The following LEPROT variants were observed in gnomAD, a reference collection of about 807,000 sequenced individuals.
The protein encoded by LEPROT is leptin receptor overlapping transcript, also known as leptin receptor gene-related protein.
LEPROT carries 3 observed loss-of-function variants against 15.4 expected under a neutral mutation model. The ratio of observed to expected loss-of-function variants is 0.19; its 90% CI spans 0.09 to 0.50. The LOEUF is 0.50. Ranked by LOEUF, LEPROT falls within the 20% of genes least tolerant of loss-of-function variation. The pLI is 0.97. For synonymous variants in LEPROT, 59 were observed against 57.5 expected, an observed-to-expected ratio of 1.03 and a Z score of -0.12; for missense variants, 137 against 162.2, an observed-to-expected ratio of 0.84 and a Z score of 0.84.
chr1:65,435,219 T>A lies in LEPROT; in HGVS notation c.*3300T>A. The A allele has an allele frequency of 1.0e-6, 1 of 985,456 alleles. No individual in the cohort carries two copies. Among genetic ancestry groups the A allele is most frequent in the Non-Finnish European group, 1.2e-6 (1 of 829,938 alleles). The allele number at this position is 985,456 out of a possible 1,614,324, so 61.0% of individuals were successfully genotyped here. ...TTCCACTTAAGAACTCATAGATTTTTCTTACTGTCCTAAGGAAGTCCTTAC... is the reference window on the plus strand; with the variant it reads ...TTCCACTTAAGAACTCATAGATTTTACTTACTGTCCTAAGGAAGTCCTTAC... On this transcript the variant is annotated 3_prime_UTR_variant, in exon 4 of 4. Transcript: ENST00000371065.
chr1:65,428,270 A>G (rs983758105), intron 2 of LEPROT, among the ~76,000 whole-genome samples: 1 of 152,176 alleles, frequency 6.6e-6, no homozygotes. Flanking sequence ...GTGGCTTACT[A>G]TGAATGAAAA....
At position 65,435,925 on chromosome 1, in the gene LEPROT, C is replaced by A; in HGVS notation, c.*4006C>A. On this transcript the variant is annotated 3_prime_UTR_variant, in exon 4 of 4. Coordinates refer to ENST00000371065, the MANE Select transcript of LEPROT (RefSeq NM_017526.5). ...ATCTTTCAAATAGCCATGCTACCAGCGTACAACAGTGATACATGTAACCCC... is the reference window on the plus strand; with the variant it reads ...ATCTTTCAAATAGCCATGCTACCAGAGTACAACAGTGATACATGTAACCCC... The A allele has an allele frequency of 1.0e-6, 1 of 985,026 alleles. No homozygotes were observed. Among genetic ancestry groups the A allele is most frequent in the Non-Finnish European group, 1.2e-6 (1 of 829,580 alleles). 61.0% of individuals were successfully genotyped at this position (985,026 alleles called of 1,614,324 possible). A position where few individuals can be genotyped will look rare whatever the true frequency, so the allele number is the denominator to read the frequency against.
rs1455857548 is a variant in LEPROT at position 65,435,911 on chromosome 1, A to T, written c.*3992A>T. On this transcript the variant is annotated 3_prime_UTR_variant, in exon 4 of 4. Coordinates refer to ENST00000371065, the MANE Select transcript of LEPROT (RefSeq NM_017526.5). ...GCTCATAAATTATAATCTTTCAAAT[A>T]GCCATGCTACCAGCGTACAACAGTG... The T allele has an allele frequency of 7.1e-6, 7 of 984,984 alleles. No homozygotes were observed. In the East Asian group the frequency reaches 6.8e-4, roughly 96 times the overall value. The allele number at this position is 984,984 out of a possible 1,614,324, so 61.0% of individuals were successfully genotyped here. A position where few individuals can be genotyped will look rare whatever the true frequency, so the allele number is the denominator to read the frequency against.
intron 1 of LEPROT, among the ~76,000 whole-genome samples, chr1:65,423,738 T>A (rs1459491814): frequency 6.6e-6 from 1 of 152,164 alleles, no homozygotes; most frequent in African/African-American, 2.4e-5. Context: ...AAATCTTCTC[T>A]CAAGTAAAAG....
chr1:65,429,506 C>T (rs538641620), intron 2 of LEPROT, among the ~76,000 whole-genome samples: 20 of 152,184 alleles, frequency 1.3e-4, no homozygotes, highest in Admixed American at 1.1e-3. Context: ...AGATCTTTAC[C>T]GAACTAGCTT....
chr1:65,433,029 G>C lies in LEPROT; in HGVS notation c.*1110G>C. On this transcript the variant is annotated 3_prime_UTR_variant, in exon 4 of 4. Transcript: ENST00000371065. ...CTTTTCATCTGAAAGACAATGCTGGGGGAAGAGCTCCACTGAGATGCGGGC... is the reference window on the plus strand; with the variant it reads ...CTTTTCATCTGAAAGACAATGCTGGCGGAAGAGCTCCACTGAGATGCGGGC... 2.0e-6 allele frequency: 2 copies of C among 985,344 alleles called. No individual in the cohort carries two copies. The highest frequency in any genetic ancestry group is 2.4e-6 in the Non-Finnish European group (2 of 829,862). The allele number at this position is 985,344 out of a possible 1,614,324, so 61.0% of individuals were successfully genotyped here.
chr1:65,423,112 C>G (rs1238884405), intron 1 of LEPROT, among the ~76,000 whole-genome samples: 1 of 151,972 alleles, frequency 6.6e-6, no homozygotes, highest in Non-Finnish European at 1.5e-5. Context: ...TGGTTTTACA[C>G]GTGTTACACA....
intron 2 of LEPROT, 147 bp downstream of exon 2, chr1:65,425,525 T>G (rs1646343970): frequency 1.3e-5 from 8 of 611,162 alleles, no homozygotes; most frequent in Non-Finnish European, 2.2e-5. Flanking sequence ...CCTTTGTGGG[T>G]CAGGTGTACT....
intron 2 of LEPROT, among the ~76,000 whole-genome samples, chr1:65,425,648 AGG>A (rs1646347639): frequency 7.1e-5 from 3 of 42,390 alleles, no homozygotes; most frequent in African/African-American, 4.4e-4. Flanking sequence ...GTCCTCAAAG[AGG>A]AGGTAAAGTT....
intron 2 of LEPROT, 50 bp downstream of exon 2, chr1:65,425,428 C>CTAT (rs1360040003): frequency 6.7e-7 from 1 of 1,496,654 alleles, no homozygotes; most frequent in Non-Finnish European, 9.1e-7. Context: ...GTCTTTGTCA[C>CTAT]TATTAGTATG....
rs1646527644 is a variant in LEPROT, at chr1:65,434,250, T to A, written c.*2331T>A. The A allele has an allele frequency of 1.0e-6, 1 of 979,952 alleles. No homozygotes were observed. The highest frequency in any genetic ancestry group is 1.2e-6 in the Non-Finnish European group (1 of 824,942). The allele number at this position is 979,952 out of a possible 1,614,324, so 60.7% of individuals were successfully genotyped here. On this transcript the variant is annotated 3_prime_UTR_variant, in exon 4 of 4. Coordinates refer to ENST00000371065, the MANE Select transcript of LEPROT (RefSeq NM_017526.5). ...AATATTAATAGGAAATATTGCTATA[T>A]CTGAATATATAATACAAAAGTTTGA...
chr1:65,427,153 T>C (rs932332121), intron 2 of LEPROT, among the ~76,000 whole-genome samples: 7 of 152,172 alleles, frequency 4.6e-5, no homozygotes, highest in African/African-American at 1.7e-4. Flanking sequence ...TCACTTATAT[T>C]TGTTTAGAGC....
At chr1:65,424,506 G>T (rs1290232736) in intron 1 of LEPROT, among the ~76,000 whole-genome samples, 1 of 151,974 alleles carries the variant, frequency 6.6e-6, no homozygotes, top group African/African-American at 2.4e-5. Context: ...CATTGGATAG[G>T]GGTTAGGTAC....
chr1:65,426,074 A>C (rs1646357554), intron 2 of LEPROT, among the ~76,000 whole-genome samples: 1 of 138,962 alleles, frequency 7.2e-6, no homozygotes, highest in South Asian at 2.1e-4. Context: ...ATGGTACAAA[A>C]GATGAAGAGC....
intron 2 of LEPROT, among the ~76,000 whole-genome samples, chr1:65,426,490 G>C (rs989503730): frequency 6.6e-6 from 1 of 152,100 alleles, no homozygotes; most frequent in Non-Finnish European, 1.5e-5. Context: ...GACTAGATAG[G>C]AAAGAGCTGA....
intron 1 of LEPROT, among the ~76,000 whole-genome samples, chr1:65,424,678 T>C (rs1646323115): frequency 6.6e-6 from 1 of 152,226 alleles, no homozygotes; most frequent in East Asian, 1.9e-4. Flanking sequence ...AAGTCCAAAA[T>C]TGTGGTGCAG....
At chr1:65,425,646 AG>A (rs1646347298) in intron 2 of LEPROT, among the ~76,000 whole-genome samples, 3 of 151,784 alleles carry the variant, frequency 2.0e-5, no homozygotes, top group African/African-American at 7.3e-5. Context: ...CTGTCCTCAA[AG>A]AGGAGGTAAA....
In LEPROT at chr1:65,433,300, C is replaced by T; in HGVS notation, c.*1381C>T. ...CTTAATTTCACTACGTGTTGATGTACTTGTCTTCCGTCCTGTAGGTCTTTT... is the reference window on the plus strand; with the variant it reads ...CTTAATTTCACTACGTGTTGATGTATTTGTCTTCCGTCCTGTAGGTCTTTT... On this transcript the variant is annotated 3_prime_UTR_variant, in exon 4 of 4. Coordinates refer to ENST00000371065, the MANE Select transcript of LEPROT (RefSeq NM_017526.5). The T allele has an allele frequency of 1.0e-6, 1 of 985,392 alleles. No homozygotes were observed. The highest frequency in any genetic ancestry group is 1.2e-6 in the Non-Finnish European group (1 of 829,912). 61.0% of individuals were successfully genotyped at this position (985,392 alleles called of 1,614,324 possible).
At position 65,435,640 on chromosome 1, in the gene LEPROT, T is replaced by C. The variant is rs1277713315; in HGVS notation, c.*3721T>C. 2 of 977,582 alleles carry C rather than the reference T, an allele frequency of 2.0e-6. No individual in the cohort carries two copies. The highest frequency in any genetic ancestry group is 3.5e-5 in the African/African-American group (2 of 57,072). 60.6% of individuals were successfully genotyped at this position (977,582 alleles called of 1,614,324 possible). ...CCTCTGCCTCCCAAAGTGCTGGGAT[T>C]ACAGGCCTGAGCCACTGTGCCCAGC... On this transcript the variant is annotated 3_prime_UTR_variant, in exon 4 of 4. Coordinates refer to ENST00000371065, the MANE Select transcript of LEPROT (RefSeq NM_017526.5).
Sources: allele counts gnomAD v4.1 joint callset (sites outside exome capture counted in the v4.1 genomes callset), GRCh38; gene constraint gnomAD v4.1.1; transcripts MANE v1.5; gene names NCBI Gene and HGNC (gene_info 2026-07-23, HGNC 2026-07-21).